NDC1: variants seen among roughly 807,000 people sequenced by gnomAD.
The protein encoded by NDC1 is NDC1 transmembrane nucleoporin.
NDC1 carries 24 observed loss-of-function variants against 89.8 expected under a neutral mutation model. That is an observed-to-expected ratio of 0.27 (90% CI 0.19 to 0.38). NDC1 has a LOEUF of 0.38. Ranked by LOEUF, NDC1 falls within the 10% of genes least tolerant of loss-of-function variation. The pLI is 1.00. For synonymous variants in NDC1, 296 were observed against 284.8 expected (o/e 1.04, Z -0.39); for missense variants, 728 against 797.6 (o/e 0.91, Z 1.05).
chr1:53,810,680 G>A lies in NDC1; in HGVS notation c.704-934C>T, dbSNP rs561479667. 3.9e-5 allele frequency among the ~76,000 whole-genome samples: 6 copies of A among 152,298 alleles called. 1 individual carries two copies. The South Asian group carries it at 1.2e-3, about 32-fold the overall frequency. The stretch of plus-strand genomic sequence containing the variant: ...AGTACTCTGGGAGGCCAAGGTGGGA[G>A]GATCACTTGAGGCCAAGAGTTCAAG... On this transcript the variant is annotated intron_variant, in intron 6 of 17. Transcript: ENST00000371429.
At chr1:53,796,837 C>T (rs1647721466) in intron 12 of NDC1, 33 bp from the exon 13 acceptor site, 4 of 1,606,098 alleles carry the variant, frequency 2.5e-6, no homozygotes, top group Non-Finnish European at 3.4e-6. Context: ...AAGATAAGAA[C>T]TTAGGCTGTC....
intron 8 of NDC1, 22 bp downstream of exon 8, chr1:53,807,634 A>C: frequency 6.3e-7 from 1 of 1,586,526 alleles, no homozygotes; most frequent in Middle Eastern, 1.7e-4. Flanking sequence ...AGTATTAAGA[A>C]AAAATATTTT....
chr1:53,813,594 T>C (rs1383480242), intron 6 of NDC1, among the ~76,000 whole-genome samples: 1 of 152,096 alleles, frequency 6.6e-6, no homozygotes, highest in Non-Finnish European at 1.5e-5. Context: ...ATCCTAAACA[T>C]ATATGCATCT....
intron 16 of NDC1, among the ~76,000 whole-genome samples, chr1:53,777,921 G>T (rs1393089498): frequency 6.6e-6 from 1 of 151,996 alleles, no homozygotes; most frequent in Admixed American, 6.5e-5. Context: ...TCACCATGTT[G>T]ACCAGGGGCT....
Position 53,809,662 on chromosome 1 carries a change from G to C in NDC1, c.755+33C>G, listed in dbSNP as rs1181158. 3.0e-3 allele frequency: 4,208 copies of C among 1,414,720 alleles called. 112 individuals are homozygous for C. The African/African-American group carries it at 0.075, about 25-fold the overall frequency. 87.6% of individuals were successfully genotyped at this position (1,414,720 alleles called of 1,614,324 possible). ...GCAAACATCTAAAAGAATGGAAACAGAGTTAAAATTAGACTTTTTAGGTAT... is the reference window on the plus strand; with the variant it reads ...GCAAACATCTAAAAGAATGGAAACACAGTTAAAATTAGACTTTTTAGGTAT... On this transcript the variant is annotated intron_variant, in intron 7 of 17. Transcript: ENST00000371429.
chr1:53,812,377 A>C (rs1307903196), intron 6 of NDC1, among the ~76,000 whole-genome samples: 1 of 152,226 alleles, frequency 6.6e-6, no homozygotes, highest in Non-Finnish European at 1.5e-5. Context: ...CAAGAAGTGA[A>C]GGGAGAAATA....
At chr1:53,825,011 A>C (rs1416043467) in intron 5 of NDC1, among the ~76,000 whole-genome samples, 2 of 151,926 alleles carry the variant, frequency 1.3e-5, no homozygotes, top group African/African-American at 2.4e-5. Flanking sequence ...CCATCTCTAC[A>C]AAAAATACAA....
intron 9 of NDC1, among the ~76,000 whole-genome samples, chr1:53,804,956 A>C (rs538471773): frequency 1.7e-4 from 26 of 152,280 alleles, no homozygotes; most frequent in African/African-American, 6.3e-4. Flanking sequence ...TGTATTTTCT[A>C]CTAGGCTGTG....
intron 4 of NDC1, 34 bp from the exon 5 acceptor site, chr1:53,825,970 G>C: frequency 6.2e-7 from 1 of 1,604,588 alleles, no homozygotes. Flanking sequence ...TAATTCAACA[G>C]TCAGGGACAT....
rs1365775210 is a variant in NDC1 at position 53,803,979 on chromosome 1, A to G, written c.1015T>C (p.Ser339Pro). The G allele has an allele frequency of 6.2e-7, 1 of 1,614,110 alleles. No individual in the cohort carries two copies. Among genetic ancestry groups the G allele is most frequent in the South Asian group, 1.1e-5 (1 of 91,086 alleles). Reference sequence around the variant, plus strand: ...TGTCTTCGTGAAGGAGAATATTGAGAAAGCAACATCAGGTCCTGCAAGGCT... The same window carrying G: ...TGTCTTCGTGAAGGAGAATATTGAGGAAGCAACATCAGGTCCTGCAAGGCT... Reference protein sequence around the residue: ...YLALQDLMLLSQYSPSRRQEV... With the variant: ...YLALQDLMLLPQYSPSRRQEV... Residue 339 changes from serine (S) to proline (P), a missense_variant, in exon 10 of 18, where the codon TCT becomes CCT. Ser to Pro is a moderately conservative substitution (Grantham distance 74, BLOSUM62 -1). Transcript: ENST00000371429.
intron 13 of NDC1, among the ~76,000 whole-genome samples, chr1:53,793,571 T>G (rs1007135220): frequency 6.6e-6 from 1 of 152,188 alleles, no homozygotes; most frequent in African/African-American, 2.4e-5. Context: ...GTGGTTTTGG[T>G]GAAATTTTTT....
At chr1:53,812,966 C>G (rs969139748) in intron 6 of NDC1, among the ~76,000 whole-genome samples, 1 of 152,210 alleles carries the variant, frequency 6.6e-6, no homozygotes, top group East Asian at 1.9e-4. Context: ...CCTCCTCCAA[C>G]AAAACAATTA....
intron 6 of NDC1, among the ~76,000 whole-genome samples, chr1:53,811,678 A>C: frequency 1.4e-5 from 2 of 144,382 alleles, no homozygotes; most frequent in South Asian, 2.1e-4. Flanking sequence ...GTCCTTCCCT[A>C]CCTCAATACA....
chr1:53,830,691 T>C (rs1649030688), intron 3 of NDC1, among the ~76,000 whole-genome samples: 1 of 150,152 alleles, frequency 6.7e-6, no homozygotes. Context: ...AGAAATCCCA[T>C]CTCTACTAAA....
chr1:53,789,413 T>C lies in NDC1; in HGVS notation c.1636-217A>G, dbSNP rs186535104. 3.8e-3 allele frequency among the ~76,000 whole-genome samples: 584 copies of C among 152,380 alleles called. 9 individuals are homozygous for C. Among genetic ancestry groups the C allele is most frequent in the Admixed American group, 5.1e-3 (78 of 15,306 alleles). On this transcript the variant is annotated intron_variant, in intron 14 of 17. Transcript: ENST00000371429. ...CTCATTGTGTGGCCCTTGCCAAGTC[T>C]CTAAATCTCTGTGTCTCAGTTTCCA...
At chr1:53,811,559 C>G (rs1648305510) in intron 6 of NDC1, among the ~76,000 whole-genome samples, 1 of 152,140 alleles carries the variant, frequency 6.6e-6, no homozygotes, top group Non-Finnish European at 1.5e-5. Context: ...CCTAGGCACA[C>G]AACTCCAGTG....
intron 4 of NDC1, among the ~76,000 whole-genome samples, chr1:53,826,618 A>G: frequency 6.6e-6 from 1 of 152,218 alleles, no homozygotes; most frequent in East Asian, 1.9e-4. Flanking sequence ...AGCTTTAATT[A>G]TAAGCATAAG....
Position 53,793,293 on chromosome 1 carries a change from A to C in NDC1, c.1585-14T>G. 1 of 1,595,826 alleles carries C rather than the reference A, an allele frequency of 6.3e-7. No individual in the cohort carries two copies. The highest frequency in any genetic ancestry group is 8.6e-7 in the Non-Finnish European group (1 of 1,163,288). On this transcript the variant is annotated splice_polypyrimidine_tract_variant and intron_variant, in intron 13 of 17. Coordinates refer to ENST00000371429, the MANE Select transcript of NDC1 (RefSeq NM_018087.5). ...GAAATTCTTAATCTGAGTTGGAAAAAAGGAAGAATTAACACATTTACCTTT... is the reference window on the plus strand; with the variant it reads ...GAAATTCTTAATCTGAGTTGGAAAACAGGAAGAATTAACACATTTACCTTT...
intron 2 of NDC1, among the ~76,000 whole-genome samples, chr1:53,833,897 C>G (rs1255958754): frequency 6.6e-6 from 1 of 151,388 alleles, no homozygotes; most frequent in Non-Finnish European, 1.5e-5. Flanking sequence ...GTGATCTCAG[C>G]TCACTGCAGC....
Sources: allele counts gnomAD v4.1 joint callset (sites outside exome capture counted in the v4.1 genomes callset), GRCh38; gene constraint gnomAD v4.1.1; transcripts MANE v1.5; gene names NCBI Gene and HGNC (gene_info 2026-07-23, HGNC 2026-07-21).